The following LRRC4C variants were observed in gnomAD, a reference collection of about 807,000 sequenced individuals.
LRRC4C encodes leucine-rich repeat-containing protein 4C.
LRRC4C carries 5 observed loss-of-function variants against 33.6 expected under a neutral mutation model. That is an observed-to-expected ratio of 0.15 (90% CI 0.08 to 0.31). The LOEUF (loss-of-function observed/expected upper bound fraction) is 0.31. LRRC4C is among the 10% of genes least tolerant of loss of function. The pLI is 1.00. For missense variants in LRRC4C, 560 were observed against 796.7 expected (o/e 0.70, Z 3.58); for synonymous variants, 329 against 302.0 (o/e 1.09, Z -0.93).
intron 2 of LRRC4C, among the ~76,000 whole-genome samples, chr11:40,806,066 C>T (rs1482295657): frequency 6.6e-6 from 1 of 152,134 alleles, no homozygotes; most frequent in African/African-American, 2.4e-5. Context: ...CGTATAATTT[C>T]TAAATGCATA....
Position 40,192,680 on chromosome 11 carries a change from C to T in LRRC4C, c.-96+48839G>A, listed in dbSNP as rs148268240. ...CTCAATGGATCCCACTCCCATGGAG[C>T]CCAACAAGCTAAGATCCACTGGCTT... On this transcript the variant is annotated intron_variant, in intron 5 of 6. Coordinates refer to ENST00000528697, the MANE Select transcript of LRRC4C (RefSeq NM_001258419.2). Among the ~76,000 whole-genome samples, 185 of 152,242 alleles carry T rather than the reference C, an allele frequency of 1.2e-3. 1 individual carries two copies. Among genetic ancestry groups the T allele is most frequent in the African/African-American group, 4.3e-3 (180 of 41,550 alleles).
intron 5 of LRRC4C, among the ~76,000 whole-genome samples, chr11:40,148,206 A>G (rs1474475557): frequency 1.3e-5 from 2 of 151,872 alleles, no homozygotes; most frequent in Non-Finnish European, 2.9e-5. Context: ...TTTGTGGTAG[A>G]ATGATTTGGA....
At chr11:40,664,336 G>C (rs1022440446) in intron 2 of LRRC4C, among the ~76,000 whole-genome samples, 1 of 152,132 alleles carries the variant, frequency 6.6e-6, no homozygotes, top group Non-Finnish European at 1.5e-5. Context: ...CCTGAGGTCA[G>C]GAGTTCGAGA....
chr11:40,653,309 T>A (rs541972261), intron 2 of LRRC4C, among the ~76,000 whole-genome samples: 1 of 152,216 alleles, frequency 6.6e-6, no homozygotes, highest in African/African-American at 2.4e-5. Flanking sequence ...TAGACACTTG[T>A]TGAATGACTT....
chr11:40,890,849 GA>G (rs146219409), intron 2 of LRRC4C, among the ~76,000 whole-genome samples: 3 of 150,900 alleles, frequency 2.0e-5, no homozygotes, highest in East Asian at 1.9e-4. Context: ...CAACAAGGCT[GA>G]AAAAAAAATT....
chr11:40,855,194 A>G (rs1953720851), intron 2 of LRRC4C, among the ~76,000 whole-genome samples: 1 of 152,168 alleles, frequency 6.6e-6, no homozygotes, highest in South Asian at 2.1e-4. Flanking sequence ...CAAAAAGGAG[A>G]TTAGTGCAAA....
chr11:40,306,810 T>C (rs181306015), intron 4 of LRRC4C, among the ~76,000 whole-genome samples: 48 of 152,250 alleles, frequency 3.2e-4, no homozygotes, highest in African/African-American at 1.2e-3. Context: ...CTTTATAACA[T>C]GGCCCTGAGC....
At chr11:41,215,197 T>A (rs534974627) in intron 1 of LRRC4C, among the ~76,000 whole-genome samples, 8 of 151,666 alleles carry the variant, frequency 5.3e-5, no homozygotes, top group Non-Finnish European at 7.4e-5. Flanking sequence ...AAAAATTTTT[T>A]AAAAAACTGG....
chr11:41,341,479 A>T (rs1178279631), intron 1 of LRRC4C, among the ~76,000 whole-genome samples: 4 of 152,138 alleles, frequency 2.6e-5, no homozygotes, highest in African/African-American at 9.7e-5. Flanking sequence ...AGAATAATGT[A>T]AATTCCTTCA....
intron 3 of LRRC4C, among the ~76,000 whole-genome samples, chr11:40,372,205 A>C (rs1184020186): frequency 6.6e-6 from 1 of 152,192 alleles, no homozygotes; most frequent in Non-Finnish European, 1.5e-5. Flanking sequence ...TAAATTATTC[A>C]ATGTCCATTT....
chr11:40,643,711 A>C (rs942702192), intron 3 of LRRC4C, among the ~76,000 whole-genome samples: 1 of 152,146 alleles, frequency 6.6e-6, no homozygotes, highest in Non-Finnish European at 1.5e-5. Context: ...GGAGGTATCA[A>C]TGGAAGTCTA....
chr11:40,292,053 C>G (rs928210558), intron 4 of LRRC4C: 1 of 151,652 alleles, frequency 6.6e-6, no homozygotes, highest in Admixed American at 6.6e-5. Context: ...GCGTGGGCCA[C>G]CCATTCCCTT....
At chr11:40,722,982 G>T (rs1363688980) in intron 2 of LRRC4C, among the ~76,000 whole-genome samples, 1 of 152,104 alleles carries the variant, frequency 6.6e-6, no homozygotes, top group Non-Finnish European at 1.5e-5. Context: ...CAACAGATGA[G>T]ACCAAGCAGG....
chr11:40,294,614 G>A (rs1944414804), intron 4 of LRRC4C, among the ~76,000 whole-genome samples: 1 of 152,018 alleles, frequency 6.6e-6, no homozygotes. Flanking sequence ...GGATCATGAG[G>A]TCAGGAGATC....
chr11:40,792,848 G>A (rs981828356), intron 2 of LRRC4C, among the ~76,000 whole-genome samples: 6 of 152,046 alleles, frequency 3.9e-5, no homozygotes, highest in African/African-American at 1.2e-4. Context: ...GGACATGGAT[G>A]AAGCTGGAAA....
At chr11:40,820,214 A>G (rs1422391693) in intron 2 of LRRC4C, among the ~76,000 whole-genome samples, 1 of 152,094 alleles carries the variant, frequency 6.6e-6, no homozygotes, top group East Asian at 1.9e-4. Flanking sequence ...TTAGCAGACA[A>G]ATGCTTGAAA....
At chr11:41,232,181 C>T (rs908769214) in intron 1 of LRRC4C, among the ~76,000 whole-genome samples, 1 of 151,978 alleles carries the variant, frequency 6.6e-6, no homozygotes, top group East Asian at 1.9e-4. Context: ...AGCATCTCTA[C>T]CAGAAATAGT....
chr11:40,756,159 TAACGCTGCTGG>T (rs1283845837), intron 2 of LRRC4C, among the ~76,000 whole-genome samples: 1 of 151,976 alleles, frequency 6.6e-6, no homozygotes, highest in African/African-American at 2.4e-5. Flanking sequence ...TAGAGGAAAC[TAACGCTGCTGG>T]AACTCTGATC....
At chr11:41,073,993 C>T (rs1420797883) in intron 1 of LRRC4C, among the ~76,000 whole-genome samples, 2 of 152,092 alleles carry the variant, frequency 1.3e-5, no homozygotes, top group African/African-American at 4.8e-5. Flanking sequence ...TGAACAACTG[C>T]CCTCTTAGTT....
Sources: allele counts gnomAD v4.1 joint callset (sites outside exome capture counted in the v4.1 genomes callset), GRCh38; gene constraint gnomAD v4.1.1; transcripts MANE v1.5; gene names NCBI Gene and HGNC (gene_info 2026-07-23, HGNC 2026-07-21).